STAM2: variants seen among roughly 807,000 people sequenced by gnomAD.
The protein encoded by STAM2 is signal transducing adapter molecule 2.
STAM2 carries 51 observed loss-of-function variants against 65.6 expected under a neutral mutation model. The ratio of observed to expected loss-of-function variants is 0.78; its 90% CI spans 0.62 to 0.98. STAM2 has a LOEUF of 0.98. Ranked by LOEUF, STAM2 falls within the 50% of genes least tolerant of loss-of-function variation. The probability of loss-of-function intolerance (pLI) is 0.00; values close to 1 mark genes in which losing one functional copy is unlikely to be tolerated. For synonymous variants in STAM2, 198 were observed against 208.4 expected (o/e 0.95, Z 0.43); for missense variants, 584 against 617.8 (o/e 0.95, Z 0.58).
At chr2:152,135,792 A>C (rs1025623146) in intron 7 of STAM2, among the ~76,000 whole-genome samples, 189 bp from the exon 8 acceptor site, 6 of 152,210 alleles carry the variant, frequency 3.9e-5, no homozygotes, top group African/African-American at 1.4e-4. Flanking sequence ...ACATCCCTAT[A>C]TCTAAACTTA....
intron 1 of STAM2, among the ~76,000 whole-genome samples, chr2:152,151,967 T>A (rs1260400611): frequency 2.6e-5 from 4 of 152,180 alleles, no homozygotes; most frequent in Non-Finnish European, 5.9e-5. Flanking sequence ...TGAGACAGGG[T>A]CTCACTCTGT....
intron 1 of STAM2, among the ~76,000 whole-genome samples, chr2:152,159,779 G>A (rs1366547633): frequency 6.6e-6 from 1 of 152,200 alleles, no homozygotes; most frequent in African/African-American, 2.4e-5. Context: ...CTGATGACGA[G>A]CCAAAGCTGG....
At position 152,119,906 on chromosome 2, in the gene STAM2, G is replaced by A. The variant is rs1688817090; in HGVS notation, c.*668C>T. 1 of 152,470 alleles carries A rather than the reference G, an allele frequency of 6.6e-6. No homozygotes were observed. The highest frequency in any genetic ancestry group is 1.5e-5 in the Non-Finnish European group (1 of 68,052). 9.4% of individuals were successfully genotyped at this position (152,470 alleles called of 1,614,324 possible). A position where few individuals can be genotyped will look rare whatever the true frequency, so the allele number is the denominator to read the frequency against. On this transcript the variant is annotated 3_prime_UTR_variant, in exon 14 of 14. Coordinates refer to ENST00000263904, the MANE Select transcript of STAM2 (RefSeq NM_005843.6). ...TTTTTGTTCCTTCCAGATTGCTCTT[G>A]CTTCTGTAGACAATTATATGCTAAT...
At chr2:152,120,885 T>C in intron 13 of STAM2, 83 bp from the exon 14 acceptor site, 3 of 1,031,538 alleles carry the variant, frequency 2.9e-6, no homozygotes, top group South Asian at 1.4e-5. Flanking sequence ...CAAAAATGCC[T>C]TTTCCATCTT....
intron 13 of STAM2, among the ~76,000 whole-genome samples, chr2:152,122,590 CAG>C (rs754109153): frequency 2.6e-5 from 4 of 151,916 alleles, no homozygotes; most frequent in Admixed American, 6.6e-5. Flanking sequence ...CTAATATAAA[CAG>C]ATTTATTTAA....
At chr2:152,155,406 T>C (rs1239144411) in intron 1 of STAM2, among the ~76,000 whole-genome samples, 1 of 152,176 alleles carries the variant, frequency 6.6e-6, no homozygotes, top group Non-Finnish European at 1.5e-5. Context: ...AGCATACAAA[T>C]ATTCAACGGG....
chr2:152,160,141 C>T (rs1205493322), intron 1 of STAM2, among the ~76,000 whole-genome samples: 4 of 152,162 alleles, frequency 2.6e-5, no homozygotes, highest in African/African-American at 4.8e-5. Flanking sequence ...AGCCTCTGCC[C>T]GGCCGCCACC....
Position 152,120,603 on chromosome 2 carries a change from T to C in STAM2, c.1549A>G (p.Thr517Ala), listed in dbSNP as rs1157315089. ...VPAHPVAQQH[T>A]NYHQQPLL The stretch of plus-strand genomic sequence containing the variant: ...AGGAGAGGCTGCTGATGGTAATTTG[T>C]GTGCTGCTGTGCAACTGGATGAGCT... Residue 517 changes from threonine to alanine, a missense_variant, in exon 14 of 14, where the codon ACA becomes GCA. By Grantham distance (58) the Thr-to-Ala change is moderately conservative (BLOSUM62 0). Coordinates refer to ENST00000263904, the MANE Select transcript of STAM2 (RefSeq NM_005843.6). 20 of 1,613,992 alleles carry C rather than the reference T, an allele frequency of 1.2e-5. No homozygotes were observed. Among genetic ancestry groups the C allele is most frequent in the Non-Finnish European group, 1.7e-5 (20 of 1,180,016 alleles).
At chr2:152,128,139 G>A (rs766715459) in intron 11 of STAM2, among the ~76,000 whole-genome samples, 4 of 152,192 alleles carry the variant, frequency 2.6e-5, no homozygotes, top group Non-Finnish European at 4.4e-5. Flanking sequence ...CGGGCGCGGT[G>A]GCTTATGCCT....
intron 9 of STAM2, 38 bp from the exon 10 acceptor site, chr2:152,133,298 GTT>G: frequency 1.3e-6 from 2 of 1,560,566 alleles, no homozygotes; most frequent in Non-Finnish European, 1.8e-6. Flanking sequence ...AAACTCAAGA[GTT>G]TTAACTTCAG....
chr2:152,123,843 T>C lies in STAM2; in HGVS notation c.1272A>G (p.Gln424=), dbSNP rs191484843. 57 of 1,614,128 alleles carry C rather than the reference T, an allele frequency of 3.5e-5. No individual in the cohort carries two copies. Among genetic ancestry groups the C allele is most frequent in the Admixed American group, 1.8e-4 (11 of 60,014 alleles). ...GAGGCAGAGATCTCAGTGGACCAAT[T>C]TGATCGGGTCCTAGGCTATAGCTTT... The part of the protein sequence containing the change: ...VAQSYSLGPD[Q]IGPLRSLPPN... The change falls in exon 13 of 14, where the codon CAA becomes CAG. Residue 424 remains glutamine (Q), a synonymous_variant. Transcript: ENST00000263904.
chr2:152,130,223 C>G lies in STAM2; in HGVS notation c.1025+1891G>C, dbSNP rs943272657. ...AGCTCAAAACCCTGAAAGTCTACCC[C>G]CTTCAGTGTTGCTCCTATTTTATTT... is the stretch of plus-strand genomic sequence containing the variant. On this transcript the variant is annotated intron_variant, in intron 11 of 13. Coordinates refer to ENST00000263904, the MANE Select transcript of STAM2 (RefSeq NM_005843.6). Among the ~76,000 whole-genome samples, 11 of 152,024 alleles carry G rather than the reference C, an allele frequency of 7.2e-5. 1 individual carries two copies. The highest frequency in any genetic ancestry group is 4.2e-4 in the South Asian group (2 of 4,812).
chr2:152,150,528 C>T (rs544342161), intron 1 of STAM2, among the ~76,000 whole-genome samples: 6 of 152,304 alleles, frequency 3.9e-5, no homozygotes, highest in South Asian at 4.1e-4. Context: ...CCAGGCCGGG[C>T]ATGGTGGCTC....
rs1398935462 is a variant in STAM2, at chr2:152,132,616, C to T, written c.971-448G>A. 5.3e-5 allele frequency among the ~76,000 whole-genome samples: 8 copies of T among 152,094 alleles called. No homozygotes were observed. In the East Asian group the frequency reaches 9.6e-4, roughly 18 times the overall value. ...AACACTGACACAATAAAGAGCACAA[C>T]GCTGTATTCTATATTCATAACCAGA... On this transcript the variant is annotated intron_variant, in intron 10 of 13. Transcript: ENST00000263904.
intron 11 of STAM2, among the ~76,000 whole-genome samples, chr2:152,131,323 C>T (rs1333649297): frequency 1.3e-5 from 2 of 151,842 alleles, no homozygotes; most frequent in Non-Finnish European, 2.9e-5. Context: ...TGTGGTGGTG[C>T]ACGCCTGTAA....
chr2:152,167,072 A>T (rs555618036), intron 1 of STAM2, among the ~76,000 whole-genome samples: 1 of 152,202 alleles, frequency 6.6e-6, no homozygotes, highest in East Asian at 1.9e-4. Context: ...ACATAATAAA[A>T]TTTTTTAAAT....
rs754764973 is a variant in STAM2, at chr2:152,123,811, A to T, written c.1304T>A (p.Val435Glu). The stretch of plus-strand genomic sequence containing the variant: ...AGGCTGTGCTGTCACTGAGGAATTC[A>T]CATTTGGAGGCAGAGATCTCAGTGG... ...IGPLRSLPPN[V>E]NSSVTAQPAQ... The change falls in exon 13 of 14, where the codon GTG (valine) becomes GAG (glutamate). Residue 435 changes from valine (V) to glutamate (E), a missense_variant. Coordinates refer to ENST00000263904, the MANE Select transcript of STAM2 (RefSeq NM_005843.6). 1 of 1,614,090 alleles carries T rather than the reference A, an allele frequency of 6.2e-7. No homozygotes were observed. The highest frequency in any genetic ancestry group is 1.3e-5 in the African/African-American group (1 of 74,950).
At position 152,116,815 on chromosome 2, in the gene STAM2, C is replaced by A. The variant is rs1688755598; in HGVS notation, c.*3759G>T. The A allele has an allele frequency of 6.6e-6, 1 of 152,218 alleles. No individual in the cohort carries two copies. The allele number at this position is 152,218 out of a possible 1,614,324, so 9.4% of individuals were successfully genotyped here. A position where few individuals can be genotyped will look rare whatever the true frequency, so the allele number is the denominator to read the frequency against. ...ATAACAATACATACATTTTAAATAA[C>A]TTTTATTAGAGTATATTGTTACAAC... On this transcript the variant is annotated 3_prime_UTR_variant, in exon 14 of 14. Transcript: ENST00000263904.
intron 11 of STAM2, among the ~76,000 whole-genome samples, chr2:152,129,584 C>CA (rs1482516339): frequency 2.6e-5 from 4 of 152,098 alleles, no homozygotes; most frequent in African/African-American, 4.8e-5. Flanking sequence ...GGATAATTAT[C>CA]AAGGACAATG....
Sources: gnomAD v4.1 joint callset for allele counts (sites outside exome capture counted in the v4.1 genomes callset) on GRCh38, gnomAD v4.1.1 for gene constraint, MANE v1.5 for transcripts, NCBI Gene and HGNC (gene_info 2026-07-23, HGNC 2026-07-21) for gene names.